PRKN: variants seen among roughly 807,000 people sequenced by gnomAD.
PRKN encodes the protein parkin RBR E3 ubiquitin protein ligase.
A neutral mutation model predicts 59.5 loss-of-function variants in PRKN; 56 were observed. The observed-to-expected ratio is 0.94, with a 90% CI of 0.76 to 1.18. PRKN has a LOEUF of 1.18. PRKN is among the 50% of genes most tolerant of loss of function. The pLI is 0.00. For missense variants in PRKN, 657 were observed against 596.4 expected (o/e 1.10, Z -1.06); for synonymous variants, 250 against 222.1 (o/e 1.13, Z -1.12).
rs142962859 is a variant in PRKN, at chr6:161,577,878, C to T, written c.872-8462G>A. ...AATCAGTCTCATTGATAATGAGACA[C>T]GATCAGAAATTTTCATTTCACAAAT... On this transcript the variant is annotated intron_variant, in intron 7 of 11. Transcript: ENST00000366898. Among the ~76,000 whole-genome samples the T allele has an allele frequency of 1.0e-3, 154 of 152,170 alleles. 1 individual carries two copies. Among genetic ancestry groups the T allele is most frequent in the African/African-American group, 3.6e-3 (150 of 41,522 alleles).
chr6:162,275,359 T>G (rs961028917), intron 2 of PRKN: 1 of 151,990 alleles, frequency 6.6e-6, no homozygotes, highest in Non-Finnish European at 1.5e-5. Flanking sequence ...TCAATAGCTA[T>G]TTTGTTACTC....
rs1786701393 is a variant in PRKN, at chr6:161,395,195, T to A, written c.1084-8318A>T. On this transcript the variant is annotated intron_variant, in intron 9 of 11. Transcript: ENST00000366898. The surrounding 1 kb of genome is among the most constrained non-coding windows in gnomAD (Gnocchi z 5.0). Reference sequence around the variant, plus strand: ...TGCACTCAATCATCAATTTATGCTATTTTTAAACAAAAATACCCTATAAAA... The same window carrying A: ...TGCACTCAATCATCAATTTATGCTAATTTTAAACAAAAATACCCTATAAAA... 6.6e-6 allele frequency among the ~76,000 whole-genome samples: 1 copy of A among 152,162 alleles called. No homozygotes were observed. The highest frequency in any genetic ancestry group is 6.5e-5 in the Admixed American group (1 of 15,282).
chr6:161,990,227 C>T (rs1245626398), intron 5 of PRKN, among the ~76,000 whole-genome samples: 1 of 152,210 alleles, frequency 6.6e-6, no homozygotes, highest in African/African-American at 2.4e-5. Flanking sequence ...TTCACTGCAA[C>T]CTCTACTAAC....
intron 1 of PRKN, among the ~76,000 whole-genome samples, chr6:162,465,486 A>G (rs1791371963): frequency 6.6e-6 from 1 of 152,202 alleles, no homozygotes; most frequent in South Asian, 2.1e-4. Flanking sequence ...GTCAGTGAAA[A>G]TGTTGATCAA....
At chr6:162,708,170 CTA>C (rs1457157777) in intron 1 of PRKN, among the ~76,000 whole-genome samples, 1 of 152,150 alleles carries the variant, frequency 6.6e-6, no homozygotes, top group African/African-American at 2.4e-5. Context: ...AGAATGGTTA[CTA>C]TGTTTGATTT....
chr6:162,425,979 A>G (rs778052787), intron 2 of PRKN, among the ~76,000 whole-genome samples: 1 of 152,252 alleles, frequency 6.6e-6, no homozygotes, highest in Non-Finnish European at 1.5e-5. Context: ...AGAGAGAAAC[A>G]GATTACCTCC....
rs1304202195 is a variant in PRKN at position 161,530,561 on chromosome 6, G to A, written c.1083+18293C>T. Among the ~76,000 whole-genome samples the A allele has an allele frequency of 6.6e-6, 1 of 150,542 alleles. No homozygotes were observed. Among genetic ancestry groups the A allele is most frequent in the African/African-American group, 2.4e-5 (1 of 40,826 alleles). On this transcript the variant is annotated intron_variant, in intron 9 of 11. Transcript: ENST00000366898. This position sits in a 1 kb window ranked among gnomAD's most constrained non-coding sequence, Gnocchi z 5.0. Reference sequence around the variant, plus strand: ...GATGGAGTTTCACTCTTGTTGCCCAGGCTGGAGTGCAATGGCATGATCTCG... The same window carrying A: ...GATGGAGTTTCACTCTTGTTGCCCAAGCTGGAGTGCAATGGCATGATCTCG...
In PRKN at chr6:161,593,232, T is replaced by C. The variant is rs1352739504; in HGVS notation, c.872-23816A>G. On this transcript the variant is annotated intron_variant, in intron 7 of 11. Transcript: ENST00000366898. The surrounding 1 kb of genome is among the most constrained non-coding windows in gnomAD (Gnocchi z 4.8). ...CGCATGTCAACTGCATCCCAGGAGCTGTTCCGAGTGCTTCGCATGGATCAC... is the reference window on the plus strand; with the variant it reads ...CGCATGTCAACTGCATCCCAGGAGCCGTTCCGAGTGCTTCGCATGGATCAC... Among the ~76,000 whole-genome samples, 1 of 152,220 alleles carries C rather than the reference T, an allele frequency of 6.6e-6. No individual in the cohort carries two copies. Among genetic ancestry groups the C allele is most frequent in the East Asian group, 1.9e-4 (1 of 5,188 alleles).
At position 161,372,107 on chromosome 6, in the gene PRKN, A is replaced by T. The variant is rs1458638800; in HGVS notation, c.1168-11902T>A. ...ATATCTATCAACCTATTTTGAGATT[A>T]ATGGGGGAAATGGAACAACATAAAT... On this transcript the variant is annotated intron_variant, in intron 10 of 11. Transcript: ENST00000366898. The surrounding 1 kb of genome is among the most constrained non-coding windows in gnomAD (Gnocchi z 4.2). Among the ~76,000 whole-genome samples the T allele has an allele frequency of 6.6e-6, 1 of 152,234 alleles. No individual in the cohort carries two copies. The highest frequency in any genetic ancestry group is 1.5e-5 in the Non-Finnish European group (1 of 68,038).
intron 9 of PRKN, among the ~76,000 whole-genome samples, chr6:161,450,085 TAAAC>T (rs1789661663): frequency 6.6e-6 from 1 of 152,132 alleles, no homozygotes; most frequent in Non-Finnish European, 1.5e-5. Flanking sequence ...GAACTGAAAA[TAAAC>T]AAACTGTTGA....
chr6:162,365,186 C>T (rs1375833236), intron 2 of PRKN, among the ~76,000 whole-genome samples: 1 of 151,824 alleles, frequency 6.6e-6, no homozygotes, highest in Non-Finnish European at 1.5e-5. Flanking sequence ...GTCAAAGTCC[C>T]ACATCCCCAC....
intron 7 of PRKN, among the ~76,000 whole-genome samples, chr6:161,674,889 G>T (rs1037930254): frequency 1.3e-5 from 2 of 152,226 alleles, no homozygotes; most frequent in Admixed American, 6.5e-5. Context: ...GAAGAGTCAA[G>T]GGTAGGAAGG....
intron 7 of PRKN, among the ~76,000 whole-genome samples, chr6:161,670,246 T>C (rs1784861024): frequency 6.6e-6 from 1 of 152,110 alleles, no homozygotes. Context: ...AGGTAGGAGA[T>C]AATGAAGGGA....
Position 162,301,284 on chromosome 6 carries a change from C to A in PRKN, c.172-38519G>T, listed in dbSNP as rs554992630. Among the ~76,000 whole-genome samples, 84 of 152,192 alleles carry A rather than the reference C, an allele frequency of 5.5e-4. 1 individual carries two copies. The highest frequency in any genetic ancestry group is 1.1e-3 in the Non-Finnish European group (72 of 68,008). ...GACCAGATTCCAGGCCATTTAACCC[C>A]CAAGGCTACTGATCTTTGTAGTATA... On this transcript the variant is annotated intron_variant, in intron 2 of 11. Coordinates refer to ENST00000366898, the MANE Select transcript of PRKN (RefSeq NM_004562.3).
chr6:162,405,411 C>T (rs1788008871), intron 2 of PRKN, among the ~76,000 whole-genome samples: 1 of 152,138 alleles, frequency 6.6e-6, no homozygotes, highest in Non-Finnish European at 1.5e-5. Flanking sequence ...GTAAATACTC[C>T]TTTGAGGGTC....
intron 2 of PRKN, among the ~76,000 whole-genome samples, chr6:162,298,507 C>T (rs1781787645): frequency 6.6e-6 from 1 of 151,906 alleles, no homozygotes; most frequent in Non-Finnish European, 1.5e-5. Context: ...CCTGGAATTA[C>T]AGGGTTATGT....
intron 2 of PRKN, among the ~76,000 whole-genome samples, chr6:162,296,613 A>T (rs2128111325): frequency 6.6e-6 from 1 of 152,284 alleles, no homozygotes; most frequent in East Asian, 1.9e-4. Flanking sequence ...TGCCAATCAC[A>T]TTGAGGTAAA....
intron 7 of PRKN, among the ~76,000 whole-genome samples, chr6:161,784,946 C>A (rs189271565): frequency 1.3e-5 from 2 of 152,290 alleles, no homozygotes; most frequent in Non-Finnish European, 2.9e-5. Flanking sequence ...AAGAAATATT[C>A]ATACACGCTA....
chr6:162,541,361 A>T (rs1304111120), intron 1 of PRKN, among the ~76,000 whole-genome samples: 1 of 152,200 alleles, frequency 6.6e-6, no homozygotes, highest in Non-Finnish European at 1.5e-5. Flanking sequence ...AACTGGGGAG[A>T]GCCATCCAGA....
Sources: allele counts gnomAD v4.1 joint callset (sites outside exome capture counted in the v4.1 genomes callset), GRCh38; gene constraint gnomAD v4.1.1; non-coding constraint Gnocchi (gnomAD v3.1); transcripts MANE v1.5; gene names NCBI Gene and HGNC (gene_info 2026-07-23, HGNC 2026-07-21).